Variants in DNAJC10 observed in about 807,000 individuals in gnomAD.
DNAJC10 encodes the protein endoplasmic reticulum disulfide reductase DNAJC10.
Under a neutral mutation model 115.0 loss-of-function variants are expected in DNAJC10, and 101 were observed. The ratio of observed to expected loss-of-function variants is 0.88; its 90% CI spans 0.75 to 1.04. DNAJC10 has a LOEUF of 1.04. Ranked by LOEUF, DNAJC10 falls within the 50% of genes least tolerant of loss-of-function variation. DNAJC10 has a pLI of 0.00. For missense variants in DNAJC10, 981 were observed against 928.8 expected, an observed-to-expected ratio of 1.06 and a Z score of -0.73; for synonymous variants, 307 against 301.5, an observed-to-expected ratio of 1.02 and a Z score of -0.19.
intron 14 of DNAJC10, among the ~76,000 whole-genome samples, chr2:182,745,713 GT>G (rs889347895): frequency 1.1e-4 from 16 of 148,134 alleles, no homozygotes; most frequent in East Asian, 7.9e-4. Context: ...TTATGGACAA[GT>G]TTTTTTTTTA....
intron 14 of DNAJC10, among the ~76,000 whole-genome samples, chr2:182,746,915 T>C (rs1693882839): frequency 6.6e-6 from 1 of 151,824 alleles, no homozygotes; most frequent in Non-Finnish European, 1.5e-5. Context: ...GTATAAGGTG[T>C]AAGGAAGGGA....
intron 16 of DNAJC10, chr2:182,754,620 A>C (rs1694109735): frequency 3.9e-6 from 1 of 254,776 alleles, no homozygotes; most frequent in African/African-American, 2.3e-5. Context: ...TATTTCTAGA[A>C]AAAGTATTTA....
chr2:182,750,216 A>C (rs984242825), intron 14 of DNAJC10, among the ~76,000 whole-genome samples: 1 of 152,196 alleles, frequency 6.6e-6, no homozygotes, highest in Non-Finnish European at 1.5e-5. Context: ...GAGTGATTGT[A>C]CCGTTCAATG....
chr2:182,754,838 A>G (rs116588559), intron 16 of DNAJC10, 165 bp from the exon 17 acceptor site: 26 of 1,371,482 alleles, frequency 1.9e-5, no homozygotes, highest in South Asian at 3.1e-5. Flanking sequence ...ATTCATCACC[A>G]TAAGTCCTTT....
intron 22 of DNAJC10, among the ~76,000 whole-genome samples, chr2:182,764,561 C>T (rs530492635): frequency 9.2e-5 from 14 of 151,972 alleles, no homozygotes; most frequent in African/African-American, 1.7e-4. Flanking sequence ...AATTATGTAA[C>T]GTTTTGATGA....
At chr2:182,776,396 C>G (rs1261487832) in intron 23 of DNAJC10, among the ~76,000 whole-genome samples, 1 of 152,088 alleles carries the variant, frequency 6.6e-6, no homozygotes, top group East Asian at 1.9e-4. Flanking sequence ...TTACCTTTTT[C>G]AAATCGGTGT....
At chr2:182,739,480 CTG>C in intron 11 of DNAJC10, 1 of 1,121,978 alleles carries the variant, frequency 8.9e-7, no homozygotes, top group Non-Finnish European at 1.1e-6. Flanking sequence ...ATATTAAACT[CTG>C]TTTTGTCAAC....
chr2:182,775,777 A>G (rs531050462), intron 23 of DNAJC10, among the ~76,000 whole-genome samples: 1 of 152,242 alleles, frequency 6.6e-6, no homozygotes, highest in Non-Finnish European at 1.5e-5. Flanking sequence ...ATTTTCAGCC[A>G]TAAAAGGAAT....
At chr2:182,759,052 C>A in intron 20 of DNAJC10, 108 bp from the exon 21 acceptor site, 2 of 1,079,538 alleles carry the variant, frequency 1.9e-6, no homozygotes, top group Non-Finnish European at 2.7e-6. Flanking sequence ...TATTACATTG[C>A]CCTTCCTTGA....
At chr2:182,751,336 A>G (rs969360183) in intron 14 of DNAJC10, among the ~76,000 whole-genome samples, 1 of 151,706 alleles carries the variant, frequency 6.6e-6, no homozygotes, top group African/African-American at 2.4e-5. Context: ...GGGTTTCACC[A>G]TGTTGGCCAG....
chr2:182,761,378 C>G (rs557243707), intron 21 of DNAJC10, among the ~76,000 whole-genome samples: 7 of 152,116 alleles, frequency 4.6e-5, no homozygotes, highest in Admixed American at 2.0e-4. Flanking sequence ...CTACATTTTT[C>G]TTACTTTCGG....
intron 10 of DNAJC10, among the ~76,000 whole-genome samples, chr2:182,733,816 GATAGATAGA>G: frequency 6.7e-6 from 1 of 150,086 alleles, no homozygotes; most frequent in African/African-American, 2.5e-5. Context: ...TAGATAGATA[GATAGATAGA>G]TAGATTTTCT....
intron 5 of DNAJC10, among the ~76,000 whole-genome samples, chr2:182,725,446 A>T (rs1356817358): frequency 6.6e-6 from 1 of 152,200 alleles, no homozygotes; most frequent in Non-Finnish European, 1.5e-5. Flanking sequence ...TATAAATGCA[A>T]AGGAAAAGTT....
intron 14 of DNAJC10, among the ~76,000 whole-genome samples, chr2:182,750,194 G>A (rs1206257924): frequency 1.3e-5 from 2 of 152,160 alleles, no homozygotes; most frequent in Admixed American, 6.6e-5. Context: ...CTGACTTGAC[G>A]AAATTGCAGT....
chr2:182,757,002 CAATTTTTTCT>C (rs1211760249), intron 18 of DNAJC10, among the ~76,000 whole-genome samples: 1 of 152,020 alleles, frequency 6.6e-6, no homozygotes, highest in Admixed American at 6.6e-5. Flanking sequence ...ATATTTGTTT[CAATTTTTTCT>C]AATTTTTTTC....
At chr2:182,733,270 C>A (rs1368709658) in intron 10 of DNAJC10, among the ~76,000 whole-genome samples, 2 of 151,738 alleles carry the variant, frequency 1.3e-5, no homozygotes, top group African/African-American at 4.8e-5. Context: ...CTATTTATTT[C>A]TCTTTGTGCA....
intron 22 of DNAJC10, among the ~76,000 whole-genome samples, chr2:182,766,360 G>A (rs1267620973): frequency 1.3e-5 from 2 of 152,140 alleles, no homozygotes; most frequent in East Asian, 1.9e-4. Context: ...AGAGGGTGAT[G>A]ATGGGACCGA....
At chr2:182,749,812 G>C (rs901138763) in intron 14 of DNAJC10, among the ~76,000 whole-genome samples, 1 of 152,148 alleles carries the variant, frequency 6.6e-6, no homozygotes, top group African/African-American at 2.4e-5. Context: ...GTTTTTCGTG[G>C]TCAGGAATCT....
Position 182,740,018 on chromosome 2 carries a change from A to G in DNAJC10, c.988-281A>G, listed in dbSNP as rs980616911. 6.0e-6 allele frequency: 6 copies of G among 1,008,194 alleles called. No homozygotes were observed. The African/African-American group carries it at 1.0e-4, about 17-fold the overall frequency. 62.5% of individuals were successfully genotyped at this position (1,008,194 alleles called of 1,614,324 possible). ...TCAGGATTTTTCTGAGCATTTTTAT[A>G]GAATACACATCATAGTTAATTAAAA... On this transcript the variant is annotated intron_variant, in intron 11 of 23. Transcript: ENST00000264065.
Sources: gnomAD v4.1 joint callset for allele counts (sites outside exome capture counted in the v4.1 genomes callset) on GRCh38, gnomAD v4.1.1 for gene constraint, MANE v1.5 for transcripts, NCBI Gene and HGNC (gene_info 2026-07-23, HGNC 2026-07-21) for gene names.